The following ULK3 variants were observed in gnomAD, a reference collection of about 807,000 sequenced individuals.
ULK3 encodes the protein unc-51 like kinase 3, also known as serine/threonine-protein kinase ULK3.
In ULK3, 54 loss-of-function variants were observed where a neutral mutation model predicts 69.4. The observed-to-expected ratio is 0.78, with a 90% confidence interval of 0.63 to 0.98. The LOEUF (loss-of-function observed/expected upper bound fraction) is 0.98, where lower values mean the gene tolerates loss of function less well. Among genes scored for constraint, ULK3 ranks in the 50% least tolerant of loss-of-function variants. The probability of loss-of-function intolerance (pLI) is 0.00; values close to 1 mark genes in which losing one functional copy is unlikely to be tolerated. For missense variants in ULK3, 558 were observed against 627.7 expected, an observed-to-expected ratio of 0.89 and a Z score of 1.19; for synonymous variants, 240 against 254.5, an observed-to-expected ratio of 0.94 and a Z score of 0.54.
Position 74,838,149 on chromosome 15 carries a change from C to A in ULK3, c.1287+3G>T, listed in dbSNP as rs1005633032. ...CCCCAACCCTCTCAAGCTCAGTGGGCACCTCAGTGTGAAGCAGCTCCCGCC... is the reference window on the plus strand; with the variant it reads ...CCCCAACCCTCTCAAGCTCAGTGGGAACCTCAGTGTGAAGCAGCTCCCGCC... On this transcript the variant is annotated splice_donor_region_variant and intron_variant, in intron 13 of 15. Coordinates refer to ENST00000440863, the MANE Select transcript of ULK3 (RefSeq NM_001099436.4). 1.9e-6 allele frequency: 3 copies of A among 1,555,364 alleles called. No individual in the cohort carries two copies. The highest frequency in any genetic ancestry group is 3.9e-5 in the Admixed American group (2 of 51,676).
rs372908964 is a variant in ULK3 at position 74,838,263 on chromosome 15, C to T, written c.1246+3G>A. On this transcript the variant is annotated splice_donor_region_variant and intron_variant, in intron 12 of 15. Transcript: ENST00000440863. ...TGTGGGGGGCATAAATGGGGGCCCT[C>T]ACCTGCCAGCAACAGCAGTAGCTCC... 7 of 1,560,616 alleles carry T rather than the reference C, an allele frequency of 4.5e-6. No individual in the cohort carries two copies. Among genetic ancestry groups the T allele is most frequent in the East Asian group, 2.4e-5 (1 of 41,516 alleles).
intron 9 of ULK3, 37 bp from the exon 10 acceptor site, chr15:74,838,782 A>C: frequency 6.4e-7 from 1 of 1,552,354 alleles, no homozygotes; most frequent in Non-Finnish European, 8.8e-7. Context: ...GGGCTGTCTC[A>C]CCAGCTACCC....
Position 74,837,430 on chromosome 15 carries a change from C to T in ULK3, c.1341G>A (p.Arg447=). The stretch of plus-strand genomic sequence containing the variant: ...GGGTGTCAGCTTCCCAGCGAGATTC[C>T]CTCATCTGTGGGATGTGAAGGCAGC... ...AEYLKEQVKM[R]ESRWEADTLD... is the part of the protein sequence containing the mutation. The change falls in exon 15 of 16, where the codon AGG becomes AGA. Residue 447 remains arginine, a synonymous_variant. Coordinates refer to ENST00000440863, the MANE Select transcript of ULK3 (RefSeq NM_001099436.4). The T allele has an allele frequency of 9.3e-6, 15 of 1,611,670 alleles. No individual in the cohort carries two copies. Among genetic ancestry groups the T allele is most frequent in the Non-Finnish European group, 1.3e-5 (15 of 1,178,988 alleles).
chr15:74,843,094 G>T lies in ULK3; in HGVS notation c.12C>A (p.Pro4=). The change falls in exon 1 of 16, where the codon CCC becomes CCA. Residue 4 remains proline, a synonymous_variant. Transcript: ENST00000440863. The part of the protein sequence containing the change: MAG[P]GWGPPRLDGF... ...CGTCCAGGCGCGGGGGACCCCAGCCGGGCCCCGCCATTCCGGCCGCCTGCG... is the reference window on the plus strand; with the variant it reads ...CGTCCAGGCGCGGGGGACCCCAGCCTGGCCCCGCCATTCCGGCCGCCTGCG... The T allele has an allele frequency of 7.4e-7, 1 of 1,346,900 alleles. No homozygotes were observed. The highest frequency in any genetic ancestry group is 9.6e-7 in the Non-Finnish European group (1 of 1,044,324). 83.4% of individuals were successfully genotyped at this position (1,346,900 alleles called of 1,614,324 possible).
Position 74,838,366 on chromosome 15 carries a change from G to C in ULK3, c.1168-22C>G, listed in dbSNP as rs908081030. 5 of 1,564,412 alleles carry C rather than the reference G, an allele frequency of 3.2e-6. No homozygotes were observed. In the African/African-American group the frequency reaches 5.4e-5, roughly 17 times the overall value. ...CCTCCTGCAGCCACAAGGACACCAG[G>C]CTGCTTAGGGTCATGGCCTGGGTAT... On this transcript the variant is annotated intron_variant, in intron 11 of 15. Transcript: ENST00000440863.
At position 74,838,682 on chromosome 15, in the gene ULK3, G is replaced by A; in HGVS notation, c.1063C>T (p.Leu355=). The A allele has an allele frequency of 1.9e-6, 3 of 1,612,822 alleles. No homozygotes were observed. The highest frequency in any genetic ancestry group is 2.5e-6 in the Non-Finnish European group (3 of 1,179,374). ...KAIVSSSNQA[L]LRQGTSARDL... ...CGGGCAGAGGTCCCCTGCCTCAGCA[G>A]GGCCTGATTGGAAGAGGAGACGATG... The change falls in exon 10 of 16, where the codon CTG becomes TTG. Residue 355 remains leucine (L), a synonymous_variant. Coordinates refer to ENST00000440863, the MANE Select transcript of ULK3 (RefSeq NM_001099436.4).
chr15:74,838,595 G>T, intron 10 of ULK3, 48 bp downstream of exon 10: 1 of 1,586,924 alleles, frequency 6.3e-7, no homozygotes. Context: ...CTCAGGCTGT[G>T]GGGAGGTTTG....
Position 74,836,917 on chromosome 15 carries a change from A to G in ULK3, c.*311T>C. 3.3e-6 allele frequency: 1 copy of G among 307,098 alleles called. No homozygotes were observed. The allele number at this position is 307,098 out of a possible 1,614,324, so 19.0% of individuals were successfully genotyped here. On this transcript the variant is annotated 3_prime_UTR_variant, in exon 16 of 16. Transcript: ENST00000440863. This position sits in a 1 kb window ranked among gnomAD's most constrained non-coding sequence, Gnocchi z 4.0. ...CTCTTCTCGGAGCCAAAAATGATAG[A>G]GGGCTGCATGCCCCAAAACGGACAG... is the stretch of plus-strand genomic sequence containing the variant.
At chr15:74,840,056 C>T (rs1286330710) in intron 6 of ULK3, among the ~76,000 whole-genome samples, 178 bp downstream of exon 6, 1 of 152,176 alleles carries the variant, frequency 6.6e-6, no homozygotes, top group African/African-American at 2.4e-5. Context: ...CAGCTGTGGG[C>T]TGACCTGAGG....
chr15:74,838,195 G>A lies in ULK3; in HGVS notation c.1247-3C>T. ...CCGCCTCCGGCCCGGGGGCTCCGCTGTAAAGAGAGGGTGTGTGGTGAGGAC... is the reference window on the plus strand; with the variant it reads ...CCGCCTCCGGCCCGGGGGCTCCGCTATAAAGAGAGGGTGTGTGGTGAGGAC... On this transcript the variant is annotated splice_region_variant and splice_polypyrimidine_tract_variant and intron_variant, in intron 12 of 15. Coordinates refer to ENST00000440863, the MANE Select transcript of ULK3 (RefSeq NM_001099436.4). 6.4e-7 allele frequency: 1 copy of A among 1,567,402 alleles called. No individual in the cohort carries two copies. Among genetic ancestry groups the A allele is most frequent in the Non-Finnish European group, 8.6e-7 (1 of 1,156,554 alleles).
chr15:74,838,958 C>A lies in ULK3; in HGVS notation c.999+52G>T. 4.5e-6 allele frequency: 7 copies of A among 1,565,234 alleles called. No homozygotes were observed. The South Asian group carries it at 7.1e-5, about 16-fold the overall frequency. ...GCCATTCCCCAGAGGCCCCCGAGAT[C>A]TCCGGGCCTTACCCCCTGCCCCCCC... On this transcript the variant is annotated intron_variant, in intron 9 of 15. Transcript: ENST00000440863.
chr15:74,838,419 A>G, intron 11 of ULK3, 21 bp downstream of exon 11: 1 of 1,567,234 alleles, frequency 6.4e-7, no homozygotes, highest in African/African-American at 1.4e-5. Context: ...ACCCACCTGG[A>G]CCCCTCCCAC....
At position 74,842,854 on chromosome 15, in the gene ULK3, T is replaced by C; in HGVS notation, c.102+150A>G. On this transcript the variant is annotated intron_variant, in intron 1 of 15. Transcript: ENST00000440863. The surrounding 1 kb of genome is among the most constrained non-coding windows in gnomAD (Gnocchi z 4.9). ...GCTCTTTAAGACCTAAGCGTGGCAG[T>C]CGGCTCCAACCTCCGCCGAGGGTCA... 7.6e-7 allele frequency: 1 copy of C among 1,310,020 alleles called. No individual in the cohort carries two copies. Among genetic ancestry groups the C allele is most frequent in the Non-Finnish European group, 1.0e-6 (1 of 973,488 alleles). 81.1% of individuals were successfully genotyped at this position (1,310,020 alleles called of 1,614,324 possible).
rs1234221149 is a variant in ULK3 at position 74,837,197 on chromosome 15, G to A, written c.*31C>T. 1.3e-6 allele frequency: 2 copies of A among 1,532,606 alleles called. No homozygotes were observed. Among genetic ancestry groups the A allele is most frequent in the Non-Finnish European group, 1.8e-6 (2 of 1,139,162 alleles). The allele number at this position is 1,532,606 out of a possible 1,614,324, so 94.9% of individuals were successfully genotyped here. ...GGGTTAGTGCCCCTCTGCTCCAGAT[G>A]GCTCACATCTGTCCAATCATTCTTC... On this transcript the variant is annotated 3_prime_UTR_variant, in exon 16 of 16. Transcript: ENST00000440863.
At chr15:74,840,108 G>T in intron 6 of ULK3, 126 bp downstream of exon 6, 1 of 1,197,378 alleles carries the variant, frequency 8.4e-7, no homozygotes, top group Non-Finnish European at 1.2e-6. Context: ...CCTAGAACCT[G>T]CCCCTCCACC....
intron 4 of ULK3, 74 bp downstream of exon 4, chr15:74,841,331 G>T: frequency 7.8e-7 from 1 of 1,284,442 alleles, no homozygotes; most frequent in Non-Finnish European, 1.1e-6. Flanking sequence ...AAGAACCAGG[G>T]CTGCTGAGTG....
Position 74,838,704 on chromosome 15 carries a change from G to A in ULK3, c.1041C>T (p.Ile347=), listed in dbSNP as rs778825091. ...GCAGGGCCTGATTGGAAGAGGAGAC[G>A]ATGGCCTTGAGCTCCTCAGCCCGGG... The part of the protein sequence containing the change: ...YVSRAEELKA[I]VSSSNQALLR... Residue 347 remains isoleucine (I), a synonymous_variant, in exon 10 of 16, where the codon ATC becomes ATT. Coordinates refer to ENST00000440863, the MANE Select transcript of ULK3 (RefSeq NM_001099436.4). The A allele has an allele frequency of 1.2e-5, 19 of 1,612,344 alleles. No individual in the cohort carries two copies. Among genetic ancestry groups the A allele is most frequent in the East Asian group, 4.5e-5 (2 of 44,854 alleles).
At position 74,837,099 on chromosome 15, in the gene ULK3, G is replaced by C; in HGVS notation, c.*129C>G. ...AGGCTGGGGACTCTGGGATATGGGG[G>C]TCTCAGCACTGTCCATCCAAGAAGC... is the stretch of plus-strand genomic sequence containing the variant. On this transcript the variant is annotated 3_prime_UTR_variant, in exon 16 of 16. Transcript: ENST00000440863. The C allele has an allele frequency of 1.6e-6, 2 of 1,278,922 alleles. No homozygotes were observed. Among genetic ancestry groups the C allele is most frequent in the Non-Finnish European group, 2.1e-6 (2 of 946,672 alleles). The allele number at this position is 1,278,922 out of a possible 1,614,324, so 79.2% of individuals were successfully genotyped here.
At position 74,841,269 on chromosome 15, in the gene ULK3, A is replaced by G. The variant is rs373534019; in HGVS notation, c.469+136T>C. ...TTCCACCTTTTGATGACAGGGCCCA[A>G]CCCCAGACTTCACGGCCTGTCACTC... On this transcript the variant is annotated intron_variant, in intron 4 of 15. Transcript: ENST00000440863. 4.0e-4 allele frequency: 267 copies of G among 662,318 alleles called. 1 individual carries two copies. The African/African-American group carries it at 4.3e-3, about 11-fold the overall frequency. 41.0% of individuals were successfully genotyped at this position (662,318 alleles called of 1,614,324 possible).
Sources: gnomAD v4.1 joint callset for allele counts (sites outside exome capture counted in the v4.1 genomes callset) on GRCh38, gnomAD v4.1.1 for gene constraint, Gnocchi (gnomAD v3.1) non-coding constraint, MANE v1.5 for transcripts, NCBI Gene and HGNC (gene_info 2026-07-23, HGNC 2026-07-21) for gene names.